Variants in MME observed in about 807,000 individuals in gnomAD.
MME encodes the protein neprilysin.
A neutral mutation model predicts 113.2 loss-of-function variants in MME; 98 were observed. That is an observed-to-expected ratio of 0.87 (90% confidence interval 0.74 to 1.02). The LOEUF (loss-of-function observed/expected upper bound fraction) is 1.02, where lower values mean the gene tolerates loss of function less well. MME is among the 50% of genes least tolerant of loss of function. The pLI is 0.00. For missense variants in MME, 836 were observed against 896.0 expected, an observed-to-expected ratio of 0.93 and a Z score of 0.86; for synonymous variants, 292 against 300.6, an observed-to-expected ratio of 0.97 and a Z score of 0.30.
At chr3:155,097,063 G>T (rs1716801859) in intron 3 of MME, among the ~76,000 whole-genome samples, 1 of 152,190 alleles carries the variant, frequency 6.6e-6, no homozygotes, top group Non-Finnish European at 1.5e-5. Context: ...TTGGTAAATT[G>T]GGTGATAAGT....
chr3:155,175,950 A>G (rs1712478475), intron 22 of MME, among the ~76,000 whole-genome samples: 1 of 152,066 alleles, frequency 6.6e-6, no homozygotes, highest in Non-Finnish European at 1.5e-5. Context: ...AGCCCCTCCA[A>G]TCTTTAGCTG....
chr3:155,124,333 A>G (rs1403227200), intron 8 of MME, among the ~76,000 whole-genome samples: 1 of 151,866 alleles, frequency 6.6e-6, no homozygotes, highest in African/African-American at 2.4e-5. Context: ...AATTTTTTTG[A>G]AAGTTTTCAA....
chr3:155,180,548 G>T lies in MME; in HGVS notation c.*89G>T. Reference sequence around the variant, plus strand: ...CTAATCGAAAGAAAATGGGCCCTAGGGGTCACTGTACTGACTTGAGGGTGA... The same window carrying T: ...CTAATCGAAAGAAAATGGGCCCTAGTGGTCACTGTACTGACTTGAGGGTGA... On this transcript the variant is annotated 3_prime_UTR_variant, in exon 23 of 23. Coordinates refer to ENST00000360490, the MANE Select transcript of MME (RefSeq NM_007289.4). 2 of 932,206 alleles carry T rather than the reference G, an allele frequency of 2.1e-6. No individual in the cohort carries two copies. The highest frequency in any genetic ancestry group is 3.6e-6 in the Non-Finnish European group (2 of 561,590). The allele number at this position is 932,206 out of a possible 1,614,324, so 57.7% of individuals were successfully genotyped here.
chr3:155,128,548 T>A lies in MME; in HGVS notation c.721-9554T>A, dbSNP rs139781919. ...GTATCATTGGCCTTCAATGATTTTC[T>A]CCCTTATAGGCTTTTATATATGCTT... On this transcript the variant is annotated intron_variant, in intron 8 of 22. Transcript: ENST00000360490. Among the ~76,000 whole-genome samples, 715 of 152,312 alleles carry A rather than the reference T, an allele frequency of 4.7e-3. 7 individuals carry two copies. Among genetic ancestry groups the A allele is most frequent in the African/African-American group, 0.016 (682 of 41,570 alleles).
At chr3:155,103,313 T>C (rs1717419785) in intron 3 of MME, among the ~76,000 whole-genome samples, 1 of 152,246 alleles carries the variant, frequency 6.6e-6, no homozygotes, top group Admixed American at 6.5e-5. Flanking sequence ...GCAAGGTGAC[T>C]TGTAAGCATA....
At chr3:155,109,076 C>T (rs1717944653) in intron 3 of MME, among the ~76,000 whole-genome samples, 1 of 152,092 alleles carries the variant, frequency 6.6e-6, no homozygotes, top group Non-Finnish European at 1.5e-5. Flanking sequence ...GCCTATGAGC[C>T]TCATGAGATA....
intron 3 of MME, chr3:155,089,689 T>C (rs560277744): frequency 3.6e-6 from 1 of 277,254 alleles, no homozygotes; most frequent in East Asian, 8.5e-5. Context: ...CCAGAGCCTC[T>C]GAATATGTTG....
chr3:155,161,482 TACAAG>T (rs1352410802), intron 17 of MME, among the ~76,000 whole-genome samples: 2 of 152,164 alleles, frequency 1.3e-5, no homozygotes, highest in African/African-American at 4.8e-5. Context: ...TAAAAAATCT[TACAAG>T]ATATTTATCA....
upstream of MME, chr3:155,079,693 C>G (rs973728013): frequency 6.6e-6 from 1 of 151,198 alleles, no homozygotes; most frequent in Non-Finnish European, 1.5e-5. Context: ...AGTGGCGAAG[C>G]TTGACCGAGA....
chr3:155,150,063 A>T (rs142081439), intron 16 of MME, among the ~76,000 whole-genome samples: 1 of 152,230 alleles, frequency 6.6e-6, no homozygotes, highest in Admixed American at 6.5e-5. Flanking sequence ...GAAATTTCTT[A>T]TAAGTCTGTA....
chr3:155,045,277 A>C (rs186906895), intron 1 of MME, among the ~76,000 whole-genome samples: 1 of 151,396 alleles, frequency 6.6e-6, no homozygotes, highest in African/African-American at 2.4e-5. Context: ...CAGCCTCCTG[A>C]GTAGCTGGGA....
intron 4 of MME, among the ~76,000 whole-genome samples, chr3:155,115,936 G>C (rs1370455767): frequency 6.6e-6 from 1 of 152,102 alleles, no homozygotes; most frequent in Non-Finnish European, 1.5e-5. Flanking sequence ...CCTATCCTTT[G>C]TTCTCTGTTC....
chr3:155,102,887 G>A (rs1717378015), intron 3 of MME, among the ~76,000 whole-genome samples: 1 of 152,148 alleles, frequency 6.6e-6, no homozygotes, highest in Admixed American at 6.5e-5. Flanking sequence ...TCAGAGGGTA[G>A]CCTACCTGTC....
intron 1 of MME, among the ~76,000 whole-genome samples, chr3:155,044,883 C>T (rs1173372925): frequency 6.6e-6 from 1 of 151,214 alleles, no homozygotes; most frequent in African/African-American, 2.4e-5. Flanking sequence ...ATGCTATTTA[C>T]AAATGTTTTA....
chr3:155,030,027 T>G (rs2108112883), intron 1 of MME, among the ~76,000 whole-genome samples: 1 of 152,300 alleles, frequency 6.6e-6, no homozygotes, highest in Middle Eastern at 3.4e-3. Flanking sequence ...CAATTGTTAG[T>G]TAGGCAATCC....
At chr3:155,111,699 G>C (rs567975308) in intron 3 of MME, among the ~76,000 whole-genome samples, 2 of 152,134 alleles carry the variant, frequency 1.3e-5, no homozygotes, top group African/African-American at 4.8e-5. Context: ...CATTCTGCTT[G>C]TTCATTAATT....
At chr3:155,072,731 A>G (rs1462879649) in intron 1 of MME, among the ~76,000 whole-genome samples, 1 of 152,198 alleles carries the variant, frequency 6.6e-6, no homozygotes, top group Non-Finnish European at 1.5e-5. Context: ...CCATGCTGCT[A>G]CAGAATCTTG....
chr3:155,092,666 A>C lies in MME; in HGVS notation c.196+7572A>C, dbSNP rs142411374. Among the ~76,000 whole-genome samples, 7 of 152,362 alleles carry C rather than the reference A, an allele frequency of 4.6e-5. No individual in the cohort carries two copies. In the East Asian group the frequency reaches 1.3e-3, roughly 29 times the overall value. On this transcript the variant is annotated intron_variant, in intron 3 of 22. Coordinates refer to ENST00000360490, the MANE Select transcript of MME (RefSeq NM_007289.4). Reference sequence around the variant, plus strand: ...ATAGCTATAAACTACGATACCACACAGCAATAAAAAGGAGCAAACTACTGT... The same window carrying C: ...ATAGCTATAAACTACGATACCACACCGCAATAAAAAGGAGCAAACTACTGT...
intron 3 of MME, among the ~76,000 whole-genome samples, chr3:155,098,755 G>T (rs182871754): frequency 6.6e-6 from 1 of 152,060 alleles, no homozygotes; most frequent in African/African-American, 2.4e-5. Context: ...TTAAGATGTC[G>T]TCATGAAAAT....
Sources: allele counts gnomAD v4.1 joint callset (sites outside exome capture counted in the v4.1 genomes callset), GRCh38; gene constraint gnomAD v4.1.1; transcripts MANE v1.5; gene names NCBI Gene and HGNC (gene_info 2026-07-23, HGNC 2026-07-21).